Variants in KMT2C observed in about 807,000 individuals in gnomAD.
The protein encoded by KMT2C is lysine methyltransferase 2C.
Under a neutral mutation model 507.9 loss-of-function variants are expected in KMT2C, and 88 were observed. The observed-to-expected ratio is 0.17, with a 90% CI of 0.15 to 0.21. KMT2C has a LOEUF of 0.21. KMT2C is among the 10% of genes least tolerant of loss of function. The probability of loss-of-function intolerance (pLI) is 1.00; values close to 1 mark genes in which losing one functional copy is unlikely to be tolerated. For missense variants in KMT2C, 4,954 were observed against 5,957.8 expected (o/e 0.83, Z 5.55); for synonymous variants, 2,049 against 2,080.8 (o/e 0.98, Z 0.42).
intron 2 of KMT2C, among the ~76,000 whole-genome samples, chr7:152,346,097 C>CA (rs1319006089): frequency 6.6e-6 from 1 of 151,932 alleles, no homozygotes; most frequent in Non-Finnish European, 1.5e-5. Flanking sequence ...ATATGTGAAG[C>CA]AAAAAAATGA....
Position 152,154,123 on chromosome 7 carries a change from T to C in KMT2C, c.12163A>G (p.Ile4055Val). 6.2e-7 allele frequency: 1 copy of C among 1,614,148 alleles called. No individual in the cohort carries two copies. Among genetic ancestry groups the C allele is most frequent in the Non-Finnish European group, 8.5e-7 (1 of 1,180,026 alleles). The change falls in exon 48 of 59, where the codon ATC becomes GTC. Residue 4055 changes from isoleucine (I) to valine (V), a missense_variant. Coordinates refer to ENST00000262189, the MANE Select transcript of KMT2C (RefSeq NM_170606.3). ...TATAAAGTGCCTGGCTCAGTTTTGA[T>C]GTCATTCCTTCTTGATTCTGAACCT... is the stretch of plus-strand genomic sequence containing the variant. The part of the protein sequence containing the change: ...GKSSESRRND[I>V]KTEPGTLYFA...
intron 42 of KMT2C, among the ~76,000 whole-genome samples, chr7:152,164,532 G>A (rs1209115694): frequency 2.6e-5 from 4 of 151,758 alleles, no homozygotes; most frequent in Non-Finnish European, 4.4e-5. Flanking sequence ...CTCGTGATCC[G>A]CCCGCCTCGG....
At chr7:152,151,887 G>A (rs2091654802) in intron 49 of KMT2C, among the ~76,000 whole-genome samples, 1 of 152,160 alleles carries the variant, frequency 6.6e-6, no homozygotes, top group Non-Finnish European at 1.5e-5. Flanking sequence ...AAGACAGAGA[G>A]GGAAACAGAT....
intron 9 of KMT2C, among the ~76,000 whole-genome samples, chr7:152,255,126 T>TATATATAC (rs2095632129): frequency 8.3e-6 from 1 of 119,770 alleles, no homozygotes; most frequent in Non-Finnish European, 1.7e-5. Context: ...TATATATATA[T>TATATATAC]ATATATATAT....
chr7:152,325,211 G>C (rs1589198244), intron 3 of KMT2C, among the ~76,000 whole-genome samples: 1 of 151,706 alleles, frequency 6.6e-6, no homozygotes, highest in Non-Finnish European at 1.5e-5. Context: ...GAGTGCAATG[G>C]TGCGATCTTG....
At chr7:152,150,757 C>T in intron 51 of KMT2C, 143 bp downstream of exon 51, 1 of 628,310 alleles carries the variant, frequency 1.6e-6, no homozygotes, top group Non-Finnish European at 2.8e-6. Flanking sequence ...ACCCTCTCCT[C>T]CTCTGCCGGG....
intron 6 of KMT2C, among the ~76,000 whole-genome samples, chr7:152,275,990 AT>A (rs2096073026): frequency 6.6e-6 from 1 of 152,216 alleles, no homozygotes; most frequent in African/African-American, 2.4e-5. Context: ...TGTCTTTCTC[AT>A]TTTAGAAACA....
chr7:152,221,626 T>C lies in KMT2C; in HGVS notation c.3499+375A>G, dbSNP rs1256781574. 1.1e-4 allele frequency among the ~76,000 whole-genome samples: 17 copies of C among 152,346 alleles called. No individual in the cohort carries two copies. The East Asian group carries it at 2.9e-3, about 26-fold the overall frequency. On this transcript the variant is annotated intron_variant, in intron 22 of 58. Transcript: ENST00000262189. ...AATAAGAATATCATATGAATCACCA[T>C]ACTAGGCTTATTAATTATTTTAAAA...
In KMT2C at chr7:152,152,914, T is replaced by C; in HGVS notation, c.12317A>G (p.His4106Arg). 2 of 1,614,206 alleles carry C rather than the reference T, an allele frequency of 1.2e-6. No individual in the cohort carries two copies. Among genetic ancestry groups the C allele is most frequent in the South Asian group, 2.2e-5 (2 of 91,080 alleles). Residue 4106 changes from histidine to arginine, a missense_variant, in exon 49 of 59, where the codon CAC (histidine) becomes CGC (arginine). Around this residue, in one of 29 missense-constraint regions of KMT2C, gnomAD observed 417 missense variants for 461.1 expected, o/e 0.90. Transcript: ENST00000262189. ...CTCATAGCTGTTAGGGATTCGGACG[T>C]GAAGAAGGTCGGAAAATGCAGCCAC... Reference protein sequence around the residue: ...SVVAAFSDLLHVRIPNSYEVS... With the variant: ...SVVAAFSDLLRVRIPNSYEVS...
chr7:152,290,559 C>T (rs1588952826), intron 6 of KMT2C, among the ~76,000 whole-genome samples: 1 of 151,480 alleles, frequency 6.6e-6, no homozygotes, highest in African/African-American at 2.4e-5. Context: ...CCACCCGCTT[C>T]AGCCTCCCGA....
rs1211681355 is a variant in KMT2C at position 152,270,196 on chromosome 7, C to T, written c.1012+3509G>A. Among the ~76,000 whole-genome samples, 13 of 152,222 alleles carry T rather than the reference C, an allele frequency of 8.5e-5. No homozygotes were observed. The East Asian group carries it at 2.5e-3, about 29-fold the overall frequency. On this transcript the variant is annotated intron_variant, in intron 7 of 58. Coordinates refer to ENST00000262189, the MANE Select transcript of KMT2C (RefSeq NM_170606.3). The stretch of plus-strand genomic sequence containing the variant: ...AGAAAAAATAAATCATGGATGTCAT[C>T]CAAAGAGGCTAGACCGTATCATTGG...
At position 152,191,098 on chromosome 7, in the gene KMT2C, G is replaced by A. The variant is rs3800832; in HGVS notation, c.4660+2911C>T. 3.1e-4 allele frequency among the ~76,000 whole-genome samples: 47 copies of A among 152,140 alleles called. No homozygotes were observed. The East Asian group carries it at 6.9e-3, about 22-fold the overall frequency. ...TACATTTAATTAAAAAGCATTCCTC[G>A]AGATTCTATACTCTACTGGCAGTAT... On this transcript the variant is annotated intron_variant, in intron 31 of 58. Transcript: ENST00000262189.
At chr7:152,280,940 G>A (rs1462553031) in intron 6 of KMT2C, among the ~76,000 whole-genome samples, 1 of 151,980 alleles carries the variant, frequency 6.6e-6, no homozygotes, top group Non-Finnish European at 1.5e-5. Context: ...TTGGAAATGA[G>A]GAGGCAGAAT....
chr7:152,255,870 A>C (rs2095652609), intron 9 of KMT2C, among the ~76,000 whole-genome samples: 1 of 152,180 alleles, frequency 6.6e-6, no homozygotes, highest in Non-Finnish European at 1.5e-5. Flanking sequence ...TTTAAATGTA[A>C]AAAATAAAAC....
intron 43 of KMT2C, among the ~76,000 whole-genome samples, chr7:152,159,368 C>T (rs1206896156): frequency 7.2e-5 from 11 of 152,182 alleles, no homozygotes; most frequent in Non-Finnish European, 4.4e-5. Context: ...CTCCCTGGGG[C>T]TGGGGAACCC....
chr7:152,296,083 A>T (rs2129189107), intron 6 of KMT2C, among the ~76,000 whole-genome samples: 1 of 151,052 alleles, frequency 6.6e-6, no homozygotes, highest in East Asian at 2.0e-4. Context: ...AAAAAAAAAA[A>T]AAAAAAAGAT....
intron 1 of KMT2C, among the ~76,000 whole-genome samples, chr7:152,363,171 T>G (rs750177309): frequency 4.6e-5 from 7 of 152,198 alleles, no homozygotes; most frequent in Non-Finnish European, 8.8e-5. Flanking sequence ...TATTTCCAGT[T>G]TCAGTTTTTA....
intron 23 of KMT2C, among the ~76,000 whole-genome samples, chr7:152,215,688 TAC>T (rs1554539523): frequency 5.9e-5 from 8 of 134,486 alleles, no homozygotes; most frequent in Admixed American, 4.4e-4. Flanking sequence ...TATATATATA[TAC>T]ACACACACAT....
At chr7:152,261,796 A>T (rs2095783865) in intron 9 of KMT2C, among the ~76,000 whole-genome samples, 1 of 152,218 alleles carries the variant, frequency 6.6e-6, no homozygotes, top group East Asian at 1.9e-4. Flanking sequence ...ATAAGAGTGT[A>T]AATATACAAA....
Sources: allele counts gnomAD v4.1 joint callset (sites outside exome capture counted in the v4.1 genomes callset), GRCh38; gene constraint gnomAD v4.1.1; regional missense constraint gnomAD v4.1.1; transcripts MANE v1.5; gene names NCBI Gene and HGNC (gene_info 2026-07-23, HGNC 2026-07-21).